The following ANKRD36 variants were observed in gnomAD, a reference collection of about 807,000 sequenced individuals.
ANKRD36 encodes ankyrin repeat domain-containing protein 36A.
ANKRD36 carries 179 observed loss-of-function variants against 278.1 expected under a neutral mutation model. The ratio of observed to expected loss-of-function variants is 0.64; its 90% CI spans 0.57 to 0.73. The LOEUF (loss-of-function observed/expected upper bound fraction) is 0.73, where lower values mean the gene tolerates loss of function less well. Ranked by LOEUF, ANKRD36 falls within the 30% of genes least tolerant of loss-of-function variation. ANKRD36 has a pLI of 0.00. For synonymous variants in ANKRD36, 320 were observed against 641.1 expected, an observed-to-expected ratio of 0.50 and a Z score of 7.57; for missense variants, 1,159 against 1,956.7, an observed-to-expected ratio of 0.59 and a Z score of 7.69.
intron 67 of ANKRD36, among the ~76,000 whole-genome samples, chr2:97,227,284 TA>T (rs2070134667): frequency 6.6e-6 from 1 of 152,140 alleles, no homozygotes; most frequent in Non-Finnish European, 1.5e-5. Context: ...CATTTGTTTG[TA>T]TCCTCTTTTA....
chr2:97,176,818 C>A (rs2054398564), intron 22 of ANKRD36, among the ~76,000 whole-genome samples: 1 of 151,556 alleles, frequency 6.6e-6, no homozygotes, highest in African/African-American at 2.4e-5. Flanking sequence ...TAGGGCAGGC[C>A]TGGTGGTGAC....
At chr2:97,147,629 TTC>T (rs1559331864) in intron 11 of ANKRD36, among the ~76,000 whole-genome samples, 1 of 151,962 alleles carries the variant, frequency 6.6e-6, no homozygotes, top group Admixed American at 6.6e-5. Flanking sequence ...TTTTACATCA[TTC>T]TGTCATTGAG....
At chr2:97,196,072 A>G (rs954050939) in intron 40 of ANKRD36, among the ~76,000 whole-genome samples, 1 of 151,992 alleles carries the variant, frequency 6.6e-6, no homozygotes, top group African/African-American at 2.4e-5. Context: ...AAGGTGATCA[A>G]TGTAGGACAC....
chr2:97,228,620 T>C (rs1212850659), intron 67 of ANKRD36, among the ~76,000 whole-genome samples: 1 of 151,876 alleles, frequency 6.6e-6, no homozygotes, highest in Non-Finnish European at 1.5e-5. Flanking sequence ...GAAGGGTTTT[T>C]TGTGTCTCTA....
chr2:97,233,519 A>G (rs372870289), intron 67 of ANKRD36, among the ~76,000 whole-genome samples: 2 of 152,196 alleles, frequency 1.3e-5, no homozygotes, highest in Admixed American at 6.5e-5. Context: ...AGTTTTCTAA[A>G]TAGCACAGGA....
chr2:97,177,730 G>C (rs931492107), intron 22 of ANKRD36, among the ~76,000 whole-genome samples: 11 of 151,834 alleles, frequency 7.2e-5, no homozygotes, highest in African/African-American at 2.2e-4. Flanking sequence ...AACCCTAGAA[G>C]AAAACCTAGC....
chr2:97,226,251 A>G (rs1210787735), intron 67 of ANKRD36, among the ~76,000 whole-genome samples: 1 of 151,890 alleles, frequency 6.6e-6, no homozygotes, highest in African/African-American at 2.4e-5. Flanking sequence ...ACAGTGTAAA[A>G]GTGTTCCTAT....
At chr2:97,177,567 A>G (rs2054672468) in intron 22 of ANKRD36, among the ~76,000 whole-genome samples, 1 of 152,060 alleles carries the variant, frequency 6.6e-6, no homozygotes, top group Non-Finnish European at 1.5e-5. Context: ...GAGAAAAACA[A>G]GCAATGGGGA....
intron 62 of ANKRD36, 196 bp downstream of exon 62, chr2:97,215,693 A>T: frequency 6.9e-7 from 1 of 1,448,408 alleles, no homozygotes. Flanking sequence ...AAGATTGTAG[A>T]CTTCCCTACA....
Position 97,211,712 on chromosome 2 carries a change from A to G in ANKRD36, c.3440A>G (p.Glu1147Gly), listed in dbSNP as rs1377682706. The change falls in exon 58 of 76, where the codon GAA becomes GGA. Residue 1147 changes from glutamate to glycine, a missense_variant. Transcript: ENST00000420699. ...GATTCTGTTCCGAATATGGCCACGG[A>G]AAAAAAGGATGAACAAATATCTGGG... ...KEDSVPNMAT[E>G]KKDEQISGTV... is the part of the protein sequence containing the mutation. The G allele has an allele frequency of 1.1e-5, 17 of 1,565,532 alleles. No homozygotes were observed. In the East Asian group the frequency reaches 1.9e-4, roughly 17 times the overall value.
intron 34 of ANKRD36, 100 bp from the exon 35 acceptor site, chr2:97,190,878 C>T (rs1187282032): frequency 6.6e-6 from 10 of 1,510,968 alleles, no homozygotes; most frequent in Non-Finnish European, 9.0e-6. Context: ...TACACTAGTA[C>T]AGGCAGAAGG....
At chr2:97,144,281 G>A (rs1011090544) in intron 8 of ANKRD36, among the ~76,000 whole-genome samples, 2 of 152,200 alleles carry the variant, frequency 1.3e-5, no homozygotes, top group African/African-American at 4.8e-5. Context: ...TGTAGTAATA[G>A]ACATGTGAAG....
Position 97,219,867 on chromosome 2 carries a change from C to T in ANKRD36, c.3877+621C>T, listed in dbSNP as rs548566461. On this transcript the variant is annotated intron_variant, in intron 66 of 75. Coordinates refer to ENST00000420699, the MANE Select transcript of ANKRD36 (RefSeq NM_001354587.1). ...AATTTGGAATTTCAATAGTTTTTAG[C>T]GAATTAAAGAGATCAATTTTGATAC... Among the ~76,000 whole-genome samples, 65 of 144,238 alleles carry T rather than the reference C, an allele frequency of 4.5e-4. No individual in the cohort carries two copies. In the East Asian group the frequency reaches 6.7e-3, roughly 15 times the overall value. 94.6% of individuals were successfully genotyped at this position (144,238 alleles called of 152,430 possible).
chr2:97,204,238 A>G lies in ANKRD36; in HGVS notation c.3036A>G (p.Lys1012=). The G allele has an allele frequency of 2.5e-6, 4 of 1,578,588 alleles. No individual in the cohort carries two copies. The highest frequency in any genetic ancestry group is 3.4e-6 in the Non-Finnish European group (4 of 1,164,180). The change falls in exon 50 of 76, where the codon AAA becomes AAG. Residue 1012 remains lysine, a synonymous_variant. Transcript: ENST00000420699. ...CTGTTTTGAATATAGCCAGAGGAAA[A>G]AAGGATGGAGAAAAAACTAGGACAG... ...KDSVLNIARG[K]KDGEKTRTVS... is the part of the protein sequence containing the mutation.
chr2:97,216,704 G>C, intron 62 of ANKRD36: 1 of 331,272 alleles, frequency 3.0e-6, no homozygotes, highest in South Asian at 3.4e-5. Flanking sequence ...TTCAACTGAA[G>C]TGTCATTGTA....
intron 42 of ANKRD36, among the ~76,000 whole-genome samples, chr2:97,197,952 C>T (rs1214571360): frequency 1.3e-5 from 2 of 151,820 alleles, no homozygotes; most frequent in African/African-American, 4.8e-5. Flanking sequence ...AATTTAGGAC[C>T]CTTCCACTGA....
At chr2:97,206,158 T>A in intron 52 of ANKRD36, 23 bp downstream of exon 52, 2 of 1,519,944 alleles carry the variant, frequency 1.3e-6, no homozygotes, top group Non-Finnish European at 1.8e-6. Context: ...ACAGATTTAA[T>A]GCCATGTTCA....
Position 97,164,411 on chromosome 2 carries a change from C to G in ANKRD36, c.1473C>G (p.Asp491Glu). The G allele has an allele frequency of 6.5e-7, 1 of 1,537,604 alleles. No individual in the cohort carries two copies. The highest frequency in any genetic ancestry group is 8.7e-7 in the Non-Finnish European group (1 of 1,146,868). The change falls in exon 20 of 76, where the codon GAC (aspartate) becomes GAG (glutamate). Residue 491 changes from aspartate (D) to glutamate (E), a missense_variant. Asp to Glu is a conservative substitution (Grantham distance 45). Transcript: ENST00000420699. ...AACCCATTCAGCATACGGTGAAAGA[C>G]AGAGATCACATTTCAACTAGATTCT... ...QPPLFTHTVK[D>E]RDHISTRFLG...
intron 69 of ANKRD36, among the ~76,000 whole-genome samples, chr2:97,242,250 A>G (rs1261532693): frequency 6.6e-6 from 1 of 151,252 alleles, no homozygotes; most frequent in Non-Finnish European, 1.5e-5. Flanking sequence ...AGATTGCACC[A>G]GTGCACTCCA....
Sources: gnomAD v4.1 joint callset for allele counts (sites outside exome capture counted in the v4.1 genomes callset) on GRCh38, gnomAD v4.1.1 for gene constraint, MANE v1.5 for transcripts, NCBI Gene and HGNC (gene_info 2026-07-23, HGNC 2026-07-21) for gene names.